ZDHHC2: variants seen among roughly 807,000 people sequenced by gnomAD.
ZDHHC2 encodes the protein palmitoyltransferase ZDHHC2.
In ZDHHC2, 51 loss-of-function variants were observed where a neutral mutation model predicts 55.6. The ratio of observed to expected loss-of-function variants is 0.92; its 90% CI spans 0.73 to 1.16. ZDHHC2 has a LOEUF of 1.16. Among genes scored for constraint, ZDHHC2 ranks in the 50% most tolerant of loss-of-function variants. The pLI is 0.00. For synonymous variants in ZDHHC2, 199 were observed against 152.9 expected (o/e 1.30, Z -2.22); for missense variants, 491 against 442.4 (o/e 1.11, Z -0.99).
chr8:17,211,953 T>C (rs1233565024), intron 10 of ZDHHC2, among the ~76,000 whole-genome samples: 1 of 152,206 alleles, frequency 6.6e-6, no homozygotes, highest in Non-Finnish European at 1.5e-5. Context: ...ATAATACTTT[T>C]TTGCCCTTTG....
intron 2 of ZDHHC2, among the ~76,000 whole-genome samples, chr8:17,185,067 C>G (rs1451469987): frequency 6.6e-6 from 1 of 152,132 alleles, no homozygotes; most frequent in Non-Finnish European, 1.5e-5. Flanking sequence ...TCAACAATTT[C>G]CTTTCCTAAT....
At position 17,215,169 on chromosome 8, in the gene ZDHHC2, G is replaced by A. The variant is rs1397071978; in HGVS notation, c.951-68G>A. ...AAGTGGTTTTGGTTCCATACATTGA[G>A]AAACAATCAACTTTACTATCAAAAA... On this transcript the variant is annotated intron_variant, in intron 10 of 12. Coordinates refer to ENST00000262096, the MANE Select transcript of ZDHHC2 (RefSeq NM_016353.5). The A allele has an allele frequency of 2.8e-6, 4 of 1,431,062 alleles. No individual in the cohort carries two copies. In the Admixed American group the frequency reaches 6.5e-5, roughly 23 times the overall value. 88.6% of individuals were successfully genotyped at this position (1,431,062 alleles called of 1,614,324 possible).
intron 11 of ZDHHC2, 137 bp downstream of exon 11, chr8:17,215,486 T>C (rs1008792143): frequency 8.0e-6 from 6 of 749,776 alleles, no homozygotes; most frequent in African/African-American, 1.8e-5. Context: ...TTCAGAATTA[T>C]TTTCAAAGAA....
intron 3 of ZDHHC2, among the ~76,000 whole-genome samples, chr8:17,189,224 AT>A (rs1420104643): frequency 2.2e-5 from 3 of 139,418 alleles, no homozygotes; most frequent in Non-Finnish European, 3.0e-5. Flanking sequence ...CACCTTTTTG[AT>A]GTCTTTATAC....
At chr8:17,168,433 T>C (rs1281482146) in intron 1 of ZDHHC2, among the ~76,000 whole-genome samples, 1 of 152,204 alleles carries the variant, frequency 6.6e-6, no homozygotes, top group African/African-American at 2.4e-5. Flanking sequence ...TTAACTTAAT[T>C]TGTGGTTTGA....
chr8:17,182,822 C>G (rs969033828), intron 1 of ZDHHC2, among the ~76,000 whole-genome samples: 11 of 152,068 alleles, frequency 7.2e-5, no homozygotes, highest in Non-Finnish European at 2.9e-5. Context: ...AGCGCAGTGG[C>G]GTGATGTTGG....
Position 17,210,357 on chromosome 8 carries a change from G to A in ZDHHC2, c.858-31G>A, listed in dbSNP as rs1457012688. ...GTTTCACTCCGTTGTCTTTTGTATG[G>A]TTCAGTTCTAAATTTTTATTTTAAT... On this transcript the variant is annotated intron_variant, in intron 9 of 12. Transcript: ENST00000262096. 8 of 1,595,472 alleles carry A rather than the reference G, an allele frequency of 5.0e-6. No homozygotes were observed. The South Asian group carries it at 7.9e-5, about 16-fold the overall frequency.
intron 4 of ZDHHC2, among the ~76,000 whole-genome samples, chr8:17,195,980 AT>A (rs1299012315): frequency 6.6e-6 from 1 of 152,208 alleles, no homozygotes; most frequent in South Asian, 2.1e-4. Context: ...AGGCAGCAGT[AT>A]CTGTAATGAA....
At chr8:17,199,367 T>C (rs1806502555) in intron 6 of ZDHHC2, among the ~76,000 whole-genome samples, 1 of 152,140 alleles carries the variant, frequency 6.6e-6, no homozygotes, top group African/African-American at 2.4e-5. Flanking sequence ...TTCGTACTAA[T>C]TGATACTTGC....
chr8:17,172,307 C>T (rs1168849106), intron 1 of ZDHHC2, among the ~76,000 whole-genome samples: 2 of 152,186 alleles, frequency 1.3e-5, no homozygotes, highest in Admixed American at 6.5e-5. Flanking sequence ...GCTAAATATA[C>T]GGACTTTTAA....
intron 10 of ZDHHC2, among the ~76,000 whole-genome samples, chr8:17,213,338 C>G (rs1286288379): frequency 6.6e-6 from 1 of 151,960 alleles, no homozygotes; most frequent in East Asian, 1.9e-4. Context: ...ACTGCAACCT[C>G]TGTCTCCCAG....
intron 3 of ZDHHC2, among the ~76,000 whole-genome samples, chr8:17,189,716 G>T (rs898817041): frequency 6.6e-6 from 1 of 152,172 alleles, no homozygotes; most frequent in East Asian, 1.9e-4. Context: ...AGTGGCAAAA[G>T]GATATGAAAC....
chr8:17,178,732 G>C (rs1016707046), intron 1 of ZDHHC2, among the ~76,000 whole-genome samples: 1 of 152,202 alleles, frequency 6.6e-6, no homozygotes, highest in South Asian at 2.1e-4. Context: ...ATTCAAGCCA[G>C]GTTGGATTAA....
At chr8:17,219,252 T>TTAAAAA (rs1491430669) in intron 12 of ZDHHC2, among the ~76,000 whole-genome samples, 3 of 49,560 alleles carry the variant, frequency 6.1e-5, no homozygotes, top group East Asian at 1.8e-3. Flanking sequence ...AGCAAGACTC[T>TTAAAAA]AAAAAAAAAA....
In ZDHHC2 at chr8:17,195,573, C is replaced by G. The variant is rs1563158189; in HGVS notation, c.322C>G (p.Leu108Val). The G allele has an allele frequency of 6.2e-7, 1 of 1,613,930 alleles. No individual in the cohort carries two copies. Among genetic ancestry groups the G allele is most frequent in the Non-Finnish European group, 8.5e-7 (1 of 1,179,846 alleles). The change falls in exon 4 of 13, where the codon CTT becomes GTT. Residue 108 changes from leucine (L) to valine (V), a missense_variant. Coordinates refer to ENST00000262096, the MANE Select transcript of ZDHHC2 (RefSeq NM_016353.5). The stretch of plus-strand genomic sequence containing the variant: ...AAGAGGAGAAGCCCATCAGGAAGTT[C>G]TTAGGCGAGCAGCCAAGGATCTTCC... ...EPRGEAHQEV[L>V]RRAAKDLPIY...
intron 6 of ZDHHC2, among the ~76,000 whole-genome samples, chr8:17,202,603 T>C (rs965216190): frequency 6.6e-6 from 1 of 152,154 alleles, no homozygotes; most frequent in Non-Finnish European, 1.5e-5. Context: ...AGAATAAGTC[T>C]TCTTCCTTTT....
At position 17,199,638 on chromosome 8, in the gene ZDHHC2, C is replaced by CCTT. The variant is rs1563161820; in HGVS notation, c.476+1225_476+1226insCTT. On this transcript the variant is annotated intron_variant, in intron 6 of 12. Coordinates refer to ENST00000262096, the MANE Select transcript of ZDHHC2 (RefSeq NM_016353.5). ...TTCTTCTTCTTCCTTTCTTCTTCTT[C>CCTT]TCCTCCTCCTCCTCCCTCCTCCCTC... Among the ~76,000 whole-genome samples the CCTT allele has an allele frequency of 8.5e-3, 387 of 45,572 alleles. 13 individuals are homozygous for CCTT. Among genetic ancestry groups the CCTT allele is most frequent in the African/African-American group, 0.016 (321 of 20,022 alleles). 29.9% of individuals were successfully genotyped at this position (45,572 alleles called of 152,430 possible).
At chr8:17,172,115 C>G (rs184758491) in intron 1 of ZDHHC2, among the ~76,000 whole-genome samples, 140 of 152,252 alleles carry the variant, frequency 9.2e-4, no homozygotes, top group Middle Eastern at 3.4e-3. Context: ...CTTAAAGCCC[C>G]TGCACCTGGA....
chr8:17,202,614 A>T (rs1407295195), intron 6 of ZDHHC2, among the ~76,000 whole-genome samples: 2 of 152,066 alleles, frequency 1.3e-5, no homozygotes, highest in African/African-American at 2.4e-5. Context: ...TCTTCCTTTT[A>T]TATTGAGTCT....
Sources: allele counts gnomAD v4.1 joint callset (sites outside exome capture counted in the v4.1 genomes callset), GRCh38; gene constraint gnomAD v4.1.1; transcripts MANE v1.5; gene names NCBI Gene and HGNC (gene_info 2026-07-23, HGNC 2026-07-21).